The following TRMT11 variants were observed in gnomAD, a reference collection of about 807,000 sequenced individuals.
TRMT11 encodes the protein tRNA methyltransferase 11.
A neutral mutation model predicts 62.8 loss-of-function variants in TRMT11; 53 were observed. The observed-to-expected ratio is 0.84, with a 90% confidence interval of 0.68 to 1.06. TRMT11 has a LOEUF of 1.06. TRMT11 is among the 50% of genes least tolerant of loss of function. TRMT11 has a pLI of 0.00. For missense variants in TRMT11, 556 were observed against 553.4 expected (o/e 1.00, Z -0.05); for synonymous variants, 188 against 190.3 (o/e 0.99, Z 0.10).
At chr6:126,189,895 C>A (rs1356878300) in intron 1 of TRMT11, among the ~76,000 whole-genome samples, 1 of 151,770 alleles carries the variant, frequency 6.6e-6, no homozygotes, top group Non-Finnish European at 1.5e-5. Context: ...TTCTTTGATT[C>A]TTTTGTATTT....
At chr6:126,255,406 T>A in the TRMT11 span, among the ~76,000 whole-genome samples, 1 of 152,206 alleles carries the variant, frequency 6.6e-6, no homozygotes, top group Non-Finnish European at 1.5e-5. Flanking sequence ...TATTGTTAAA[T>A]TGCCACATCC....
chr6:126,121,118 T>C (rs1225871564), intron 21 of TRMT11, among the ~76,000 whole-genome samples: 2 of 152,130 alleles, frequency 1.3e-5, no homozygotes, highest in Non-Finnish European at 2.9e-5. Context: ...TATATGGTGT[T>C]TTCATATTAA....
At chr6:126,217,637 G>A in the TRMT11 span, among the ~76,000 whole-genome samples, 1 of 152,294 alleles carries the variant, frequency 6.6e-6, no homozygotes, top group South Asian at 2.1e-4. Flanking sequence ...GCTGGGGGAG[G>A]GGTGACACAA....
intron 1 of TRMT11, chr6:126,177,458 A>G (rs1444479795): frequency 2.6e-5 from 4 of 152,100 alleles, no homozygotes; most frequent in African/African-American, 9.7e-5. Context: ...TTGTTTAGCT[A>G]TTTCTTCTGG....
intron 18 of TRMT11, among the ~76,000 whole-genome samples, chr6:126,114,032 G>A (rs1777561644): frequency 6.6e-6 from 1 of 152,016 alleles, no homozygotes; most frequent in South Asian, 2.1e-4. Flanking sequence ...ATAGTGAGTT[G>A]TAACTAGCAC....
At chr6:126,220,000 G>A in the TRMT11 span, among the ~76,000 whole-genome samples, 1 of 152,132 alleles carries the variant, frequency 6.6e-6, no homozygotes, top group East Asian at 1.9e-4. Flanking sequence ...CTTATTCTTT[G>A]TGTAACATAC....
intron 21 of TRMT11, among the ~76,000 whole-genome samples, chr6:126,154,341 G>A (rs1404796974): frequency 2.4e-5 from 3 of 125,352 alleles, no homozygotes; most frequent in Admixed American, 1.5e-4. Flanking sequence ...GTGTGTGTAT[G>A]TGTGTGTGTG....
intron 17 of TRMT11, among the ~76,000 whole-genome samples, chr6:126,064,464 A>G (rs1776628275): frequency 6.6e-6 from 1 of 152,160 alleles, no homozygotes; most frequent in African/African-American, 2.4e-5. Context: ...AGGCTGTGTA[A>G]GGGTAAGTGA....
At chr6:126,022,026 G>A (rs1795893620) in intron 12 of TRMT11, among the ~76,000 whole-genome samples, 1 of 150,190 alleles carries the variant, frequency 6.7e-6, no homozygotes, top group Non-Finnish European at 1.5e-5. Context: ...GAAGAAAGGT[G>A]GTAGTGTCTG....
chr6:126,018,964 T>TTCGGCTCACTACAA (rs1217595979), intron 11 of TRMT11, among the ~76,000 whole-genome samples: 23 of 152,106 alleles, frequency 1.5e-4, no homozygotes, highest in African/African-American at 5.5e-4. Flanking sequence ...CACTACAACC[T>TTCGGCTCACTACAA]CCACCTCCCA....
chr6:126,121,389 A>G (rs1301770075), intron 21 of TRMT11, among the ~76,000 whole-genome samples: 3 of 152,154 alleles, frequency 2.0e-5, no homozygotes, highest in East Asian at 3.9e-4. Context: ...AGAATAAACT[A>G]TTAAGAAAAC....
chr6:126,218,212 C>T, the TRMT11 span, among the ~76,000 whole-genome samples: 24 of 152,306 alleles, frequency 1.6e-4, no homozygotes, highest in East Asian at 4.4e-3. Flanking sequence ...TGCTCTGCCC[C>T]ACTGTGGCTG....
intron 12 of TRMT11, among the ~76,000 whole-genome samples, chr6:126,035,069 AT>A (rs200434931): frequency 9.3e-5 from 14 of 150,946 alleles, no homozygotes; most frequent in Admixed American, 3.3e-4. Context: ...TGAGTTTGCC[AT>A]TTTTTTTTAG....
intron 17 of TRMT11, among the ~76,000 whole-genome samples, chr6:126,096,681 T>C (rs1362905100): frequency 6.6e-6 from 1 of 152,050 alleles, no homozygotes; most frequent in African/African-American, 2.4e-5. Context: ...AATCTTTGTA[T>C]CCCCCGTAGT....
chr6:126,005,549 A>G (rs998102803), intron 7 of TRMT11, among the ~76,000 whole-genome samples: 8 of 151,932 alleles, frequency 5.3e-5, no homozygotes, highest in Admixed American at 2.6e-4. Flanking sequence ...TTACTTTTTG[A>G]TTATTATTTT....
intron 16 of TRMT11, among the ~76,000 whole-genome samples, chr6:126,046,663 G>A (rs1238786167): frequency 6.6e-6 from 1 of 152,146 alleles, no homozygotes; most frequent in Non-Finnish European, 1.5e-5. Flanking sequence ...CAGGTGCCCA[G>A]TTCACCATCT....
chr6:126,060,525 A>G (rs1313329413), intron 17 of TRMT11, among the ~76,000 whole-genome samples: 1 of 152,144 alleles, frequency 6.6e-6, no homozygotes, highest in African/African-American at 2.4e-5. Flanking sequence ...CTCTCCAGAG[A>G]GAATAGTCCA....
chr6:126,134,537 T>C (rs12196764), intron 21 of TRMT11, among the ~76,000 whole-genome samples: 21,563 of 151,810 alleles, frequency 0.14, 1,988 homozygotes, highest in South Asian at 0.22. Flanking sequence ...CAGATTACAA[T>C]ACAATAGAAG....
intron 17 of TRMT11, among the ~76,000 whole-genome samples, chr6:126,104,266 T>C (rs1428777559): frequency 1.3e-5 from 2 of 152,168 alleles, no homozygotes; most frequent in Admixed American, 1.3e-4. Flanking sequence ...AGCTTTACTC[T>C]TGCCGGAGCT....
Sources: allele counts gnomAD v4.1 joint callset (sites outside exome capture counted in the v4.1 genomes callset), GRCh38; gene constraint gnomAD v4.1.1; transcripts MANE v1.5; gene names NCBI Gene and HGNC (gene_info 2026-07-23, HGNC 2026-07-21).